Variants in CNBD1 observed in about 807,000 individuals in gnomAD.
CNBD1 encodes cyclic nucleotide binding domain containing 1, also known as cyclic nucleotide-binding domain-containing protein 1.
Under a neutral mutation model 54.4 loss-of-function variants are expected in CNBD1, and 71 were observed. The observed-to-expected ratio is 1.30, with a 90% CI of 1.08 to 1.59. The LOEUF (loss-of-function observed/expected upper bound fraction) is 1.59. Among genes scored for constraint, CNBD1 ranks in the 40% most tolerant of loss-of-function variants. The pLI is 0.00. For missense variants in CNBD1, 659 were observed against 518.0 expected (o/e 1.27, Z -2.64); for synonymous variants, 182 against 170.7 (o/e 1.07, Z -0.51).
At chr8:87,315,782 C>T (rs936134311) in intron 8 of CNBD1, among the ~76,000 whole-genome samples, 2 of 151,862 alleles carry the variant, frequency 1.3e-5, no homozygotes, top group Admixed American at 6.6e-5. Context: ...AATATCTCAG[C>T]GTTTGATAGC....
chr8:87,225,026 G>C (rs1374335321), intron 5 of CNBD1, among the ~76,000 whole-genome samples: 1 of 151,660 alleles, frequency 6.6e-6, no homozygotes, highest in Admixed American at 6.6e-5. Context: ...GAGTTCACTC[G>C]TGATTTGGCT....
intron 4 of CNBD1, among the ~76,000 whole-genome samples, chr8:86,943,365 C>CAAAAAAAAAAAA (rs1158061860): frequency 3.1e-5 from 1 of 32,578 alleles, no homozygotes; most frequent in Non-Finnish European, 6.0e-5. Context: ...GACTCCATCT[C>CAAAAAAAAAAAA]AAAAAAAAAA....
At chr8:86,886,204 A>T (rs188006368) in intron 1 of CNBD1, among the ~76,000 whole-genome samples, 1 of 152,120 alleles carries the variant, frequency 6.6e-6, no homozygotes, top group East Asian at 1.9e-4. Flanking sequence ...TTCCTTCCTA[A>T]TCTATGTATA....
chr8:87,409,921 G>C (rs1370518482), intron 2 of CNBD1, among the ~76,000 whole-genome samples: 1 of 152,018 alleles, frequency 6.6e-6, no homozygotes, highest in Non-Finnish European at 1.5e-5. Flanking sequence ...TACTCAGGAG[G>C]CTGAGGCAGG....
intron 4 of CNBD1, among the ~76,000 whole-genome samples, chr8:86,949,245 T>A (rs536540338): frequency 6.6e-6 from 1 of 152,308 alleles, no homozygotes; most frequent in South Asian, 2.1e-4. Context: ...TCTTTTGTGG[T>A]TCCATATAAA....
intron 4 of CNBD1, among the ~76,000 whole-genome samples, chr8:87,054,391 A>T (rs997948905): frequency 1.3e-5 from 2 of 152,180 alleles, no homozygotes; most frequent in African/African-American, 4.8e-5. Context: ...AGCTTAATTA[A>T]TATTCCCCCC....
At chr8:86,908,218 C>T (rs541115986) in intron 3 of CNBD1, among the ~76,000 whole-genome samples, 1 of 152,148 alleles carries the variant, frequency 6.6e-6, no homozygotes, top group South Asian at 2.1e-4. Flanking sequence ...TCTATATGGG[C>T]AAAAATTGAA....
rs377764990 is a variant in CNBD1 at position 87,206,208 on chromosome 8, A to G, written c.577+70A>G. On this transcript the variant is annotated intron_variant, in intron 5 of 10. Coordinates refer to ENST00000518476, the MANE Select transcript of CNBD1 (RefSeq NM_173538.3). The stretch of plus-strand genomic sequence containing the variant: ...CCACTGTTTCGAGTTCTTTATCATT[A>G]TAATGCTTATAATTTCACTTAACAA... 132 of 1,160,936 alleles carry G rather than the reference A, an allele frequency of 1.1e-4. No individual in the cohort carries two copies. In the East Asian group the frequency reaches 1.8e-3, roughly 16 times the overall value. 71.9% of individuals were successfully genotyped at this position (1,160,936 alleles called of 1,614,324 possible).
intron 4 of CNBD1, among the ~76,000 whole-genome samples, chr8:86,995,713 A>T (rs889949369): frequency 1.2e-4 from 17 of 146,710 alleles, no homozygotes; most frequent in African/African-American, 4.3e-4. Flanking sequence ...TGTGTGTGTG[A>T]GAGAGAGAGA....
chr8:87,318,604 C>T (rs929295091), intron 8 of CNBD1, among the ~76,000 whole-genome samples: 1 of 151,926 alleles, frequency 6.6e-6, no homozygotes, highest in Admixed American at 6.6e-5. Flanking sequence ...CCCAGTACAG[C>T]TTCCCAGAAA....
intron 4 of CNBD1, among the ~76,000 whole-genome samples, chr8:87,101,068 C>T (rs1300695486): frequency 6.6e-6 from 1 of 152,194 alleles, no homozygotes; most frequent in Non-Finnish European, 1.5e-5. Flanking sequence ...TAGGCAAAAT[C>T]TCAACACCTT....
chr8:86,917,128 C>T (rs568061391), intron 3 of CNBD1, among the ~76,000 whole-genome samples: 8 of 149,882 alleles, frequency 5.3e-5, no homozygotes, highest in South Asian at 2.2e-4. Flanking sequence ...GGTGACAGAG[C>T]GAGACTCTGT....
chr8:87,315,681 A>G (rs1319807190), intron 8 of CNBD1, among the ~76,000 whole-genome samples: 1 of 152,044 alleles, frequency 6.6e-6, no homozygotes, highest in Non-Finnish European at 1.5e-5. Flanking sequence ...TTGGAGGTCA[A>G]ATTTCAACAT....
Position 87,323,122 on chromosome 8 carries a change from C to A in CNBD1, c.1043-28563C>A, listed in dbSNP as rs958245003. ...CAAAGATCAGATAGTTGTAGGTATG[C>A]AGCATTATTTCTGAGGGCTCTGTTC... On this transcript the variant is annotated intron_variant, in intron 8 of 10. Transcript: ENST00000518476. Among the ~76,000 whole-genome samples, 105 of 119,052 alleles carry A rather than the reference C, an allele frequency of 8.8e-4. 4 individuals are homozygous for A. Among genetic ancestry groups the A allele is most frequent in the African/African-American group, 3.2e-3 (100 of 31,382 alleles). The allele number at this position is 119,052 out of a possible 152,430, so 78.1% of individuals were successfully genotyped here.
At chr8:87,144,145 G>C (rs937820295) in intron 4 of CNBD1, among the ~76,000 whole-genome samples, 1 of 152,194 alleles carries the variant, frequency 6.6e-6, no homozygotes, top group African/African-American at 2.4e-5. Context: ...AGCTGAATTT[G>C]AAATTCCTAC....
chr8:87,385,615 CT>C (rs1811167096), downstream of CNBD1, among the ~76,000 whole-genome samples: 1 of 152,096 alleles, frequency 6.6e-6, no homozygotes, highest in African/African-American at 2.4e-5. Flanking sequence ...AACAAAGTGG[CT>C]GGGAAGCTGG....
At chr8:87,345,363 C>G (rs1307142498) in intron 8 of CNBD1, among the ~76,000 whole-genome samples, 1 of 152,108 alleles carries the variant, frequency 6.6e-6, no homozygotes, top group African/African-American at 2.4e-5. Context: ...TTTCTACTTG[C>G]TTAGCATCTA....
chr8:87,247,549 T>C (rs1807830681), intron 6 of CNBD1, among the ~76,000 whole-genome samples: 3 of 152,202 alleles, frequency 2.0e-5, no homozygotes, highest in Admixed American at 6.5e-5. Context: ...TCCTTGACCA[T>C]GTTGAATGTG....
intron 4 of CNBD1, 89 bp from the exon 5 acceptor site, chr8:87,205,904 C>A: frequency 9.1e-7 from 1 of 1,098,920 alleles, no homozygotes; most frequent in Non-Finnish European, 1.2e-6. Flanking sequence ...ACAGAAAATA[C>A]AAATTTGGAA....
Sources: gnomAD v4.1 joint callset for allele counts (sites outside exome capture counted in the v4.1 genomes callset) on GRCh38, gnomAD v4.1.1 for gene constraint, MANE v1.5 for transcripts, NCBI Gene and HGNC (gene_info 2026-07-23, HGNC 2026-07-21) for gene names.